The following RIMS4 variants were observed in gnomAD, a reference collection of about 807,000 sequenced individuals.
RIMS4 encodes the protein regulating synaptic membrane exocytosis protein 4.
RIMS4 carries 9 observed loss-of-function variants against 29.0 expected under a neutral mutation model. That is an observed-to-expected ratio of 0.31 (90% confidence interval 0.19 to 0.54). The LOEUF (loss-of-function observed/expected upper bound fraction) is 0.54. Among genes scored for constraint, RIMS4 ranks in the 20% least tolerant of loss-of-function variants. The pLI is 0.94. For missense variants in RIMS4, 193 were observed against 365.7 expected, an observed-to-expected ratio of 0.53 and a Z score of 3.85; for synonymous variants, 130 against 152.9, an observed-to-expected ratio of 0.85 and a Z score of 1.10.
chr20:44,764,151 T>TATCCATCCATCC lies in RIMS4; in HGVS notation c.237-5979_237-5968dup, dbSNP rs376980648. On this transcript the variant is annotated intron_variant, in intron 2 of 5. Coordinates refer to ENST00000372851, the MANE Select transcript of RIMS4 (RefSeq NM_182970.4). Reference sequence around the variant, plus strand: ...CCATCCATCCATTTATGCATCCATTTATCCATCCATCCATCCATCCATCCA... The same window carrying TATCCATCCATCC: ...CCATCCATCCATTTATGCATCCATTTATCCATCCATCCATCCATCCATCCATCCATCCATCCA... Among the ~76,000 whole-genome samples, 378 of 40,760 alleles carry TATCCATCCATCC rather than the reference T, an allele frequency of 9.3e-3. 31 individuals are homozygous for TATCCATCCATCC. Among genetic ancestry groups the TATCCATCCATCC allele is most frequent in the South Asian group, 0.016 (18 of 1,152 alleles). The allele number at this position is 40,760 out of a possible 152,430, so 26.7% of individuals were successfully genotyped here.
intron 1 of RIMS4, among the ~76,000 whole-genome samples, chr20:44,800,904 G>A (rs949892978): frequency 2.6e-5 from 4 of 152,164 alleles, no homozygotes; most frequent in Non-Finnish European, 4.4e-5. Context: ...GAGGCCTGAC[G>A]CCAGCTGTGT....
In RIMS4 at chr20:44,810,141, C is replaced by A. The variant is rs150963275; in HGVS notation, c.97+34G>T. The A allele has an allele frequency of 3.6e-6, 5 of 1,399,142 alleles. No individual in the cohort carries two copies. The Admixed American group carries it at 5.7e-5, about 16-fold the overall frequency. The allele number at this position is 1,399,142 out of a possible 1,614,324, so 86.7% of individuals were successfully genotyped here. A position where few individuals can be genotyped will look rare whatever the true frequency, so the allele number is the denominator to read the frequency against. ...GCTACCGGACCTGGATCCCGGGACA[C>A]CCCGGGGGTCTGGGGGGCGGGCCGC... On this transcript the variant is annotated intron_variant, in intron 1 of 5. Transcript: ENST00000372851.
At chr20:44,783,228 T>A (rs1027590487) in intron 1 of RIMS4, among the ~76,000 whole-genome samples, 10 of 152,236 alleles carry the variant, frequency 6.6e-5, no homozygotes, top group African/African-American at 2.4e-4. Flanking sequence ...TAGCATTAAC[T>A]GTAACAGTCA....
chr20:44,774,055 A>G (rs6017418), intron 1 of RIMS4, among the ~76,000 whole-genome samples: 110,065 of 151,854 alleles, frequency 0.72, 40,625 homozygotes, highest in African/African-American at 0.86. Flanking sequence ...TCCCCAAGCT[A>G]GGGACCACGA....
At chr20:44,788,430 CA>C (rs1046881565) in intron 1 of RIMS4, among the ~76,000 whole-genome samples, 1 of 152,222 alleles carries the variant, frequency 6.6e-6, no homozygotes, top group Non-Finnish European at 1.5e-5. Context: ...TTTCCACTGT[CA>C]GGGGCTACTA....
intron 2 of RIMS4, among the ~76,000 whole-genome samples, chr20:44,764,255 C>CATCCATCCATCCA (rs1325046131): frequency 1.7e-3 from 241 of 144,118 alleles, no homozygotes; most frequent in Middle Eastern, 3.6e-3. Flanking sequence ...TCCATCCATC[C>CATCCATCCATCCA]TCCCACAAAC....
At chr20:44,793,745 G>A (rs76841024) in intron 1 of RIMS4, among the ~76,000 whole-genome samples, 4,110 of 152,208 alleles carry the variant, frequency 0.027, 192 homozygotes, top group African/African-American at 0.093. Context: ...CTGGCGACCT[G>A]AGATCAGGGC....
chr20:44,786,020 C>T (rs79417059), intron 1 of RIMS4, among the ~76,000 whole-genome samples: 52 of 152,240 alleles, frequency 3.4e-4, no homozygotes, highest in African/African-American at 1.2e-3. Context: ...AGAGTCATGC[C>T]ACACTGGGCA....
rs1405770220 is a variant in RIMS4, at chr20:44,754,598, A to T, written c.*1536T>A. On this transcript the variant is annotated 3_prime_UTR_variant, in exon 6 of 6. Coordinates refer to ENST00000372851, the MANE Select transcript of RIMS4 (RefSeq NM_182970.4). Reference sequence around the variant, plus strand: ...AACAGGCAGCTCCAGCTATAACCCTACGGGGACAAGGGAAGGAAGGGGGCG... The same window carrying T: ...AACAGGCAGCTCCAGCTATAACCCTTCGGGGACAAGGGAAGGAAGGGGGCG... 7 of 152,844 alleles carry T rather than the reference A, an allele frequency of 4.6e-5. No individual in the cohort carries two copies. The highest frequency in any genetic ancestry group is 4.6e-4 in the Admixed American group (7 of 15,288). 9.5% of individuals were successfully genotyped at this position (152,844 alleles called of 1,614,324 possible).
Position 44,785,212 on chromosome 20 carries a change from T to A in RIMS4, c.98-13799A>T, listed in dbSNP as rs554549675. On this transcript the variant is annotated intron_variant, in intron 1 of 5. Transcript: ENST00000372851. ...AGTTTGGGAGCCTGCAATCCCTGGA[T>A]TAAAAGCCATTCTTCTTCTTTTTTT... Among the ~76,000 whole-genome samples the A allele has an allele frequency of 2.0e-5, 3 of 152,212 alleles. No homozygotes were observed. The South Asian group carries it at 6.2e-4, about 32-fold the overall frequency.
chr20:44,810,160 G>A lies in RIMS4; in HGVS notation c.97+15C>T. ...GGGACACCCCGGGGGTCTGGGGGGC[G>A]GGCCGCGCGCTTACCTGCGTCCTCG... On this transcript the variant is annotated intron_variant, in intron 1 of 5. Transcript: ENST00000372851. The A allele has an allele frequency of 1.3e-6, 2 of 1,557,822 alleles. No homozygotes were observed. The highest frequency in any genetic ancestry group is 1.7e-6 in the Non-Finnish European group (2 of 1,142,866).
intron 1 of RIMS4, among the ~76,000 whole-genome samples, chr20:44,773,692 C>A (rs1019372755): frequency 8.5e-5 from 13 of 152,162 alleles, no homozygotes; most frequent in African/African-American, 2.9e-4. Context: ...CTCAGTCCCC[C>A]AGAGCTGTGC....
At chr20:44,803,408 C>T (rs1022711114) in intron 1 of RIMS4, among the ~76,000 whole-genome samples, 1 of 152,184 alleles carries the variant, frequency 6.6e-6, no homozygotes, top group African/African-American at 2.4e-5. Flanking sequence ...CCAAGACTTC[C>T]AGTCTTGGAA....
At chr20:44,764,331 G>A (rs926423789) in intron 2 of RIMS4, among the ~76,000 whole-genome samples, 3 of 152,040 alleles carry the variant, frequency 2.0e-5, no homozygotes, top group African/African-American at 7.3e-5. Context: ...AAATTACTGT[G>A]CAACGCAAAA....
chr20:44,794,473 G>A (rs957327822), intron 1 of RIMS4, among the ~76,000 whole-genome samples: 4 of 152,192 alleles, frequency 2.6e-5, no homozygotes, highest in Non-Finnish European at 5.9e-5. Context: ...TAAAGACTTA[G>A]ACATTTACCT....
chr20:44,800,660 T>C (rs2066274033), intron 1 of RIMS4, among the ~76,000 whole-genome samples: 1 of 151,948 alleles, frequency 6.6e-6, no homozygotes, highest in Non-Finnish European at 1.5e-5. Flanking sequence ...AAGGAGGAAC[T>C]GGAGGGCCTG....
intron 1 of RIMS4, among the ~76,000 whole-genome samples, chr20:44,786,079 T>G (rs1308475541): frequency 6.6e-6 from 1 of 152,192 alleles, no homozygotes; most frequent in Admixed American, 6.5e-5. Flanking sequence ...GATAATTCTT[T>G]AAGCTTCTGG....
intron 1 of RIMS4, among the ~76,000 whole-genome samples, chr20:44,808,140 C>T (rs972239472): frequency 8.6e-5 from 13 of 151,756 alleles, no homozygotes; most frequent in African/African-American, 2.9e-4. Context: ...CACACACAAA[C>T]ACTCACACAA....
intron 2 of RIMS4, among the ~76,000 whole-genome samples, chr20:44,765,026 A>G (rs950676935): frequency 2.0e-5 from 3 of 152,196 alleles, no homozygotes; most frequent in African/African-American, 7.2e-5. Context: ...CTATTTATCA[A>G]TGTTGATCCA....
Sources: gnomAD v4.1 joint callset for allele counts (sites outside exome capture counted in the v4.1 genomes callset) on GRCh38, gnomAD v4.1.1 for gene constraint, MANE v1.5 for transcripts, NCBI Gene and HGNC (gene_info 2026-07-23, HGNC 2026-07-21) for gene names.